Variants in NLRP8 observed in about 807,000 individuals in gnomAD.
NLRP8 encodes NACHT, LRR and PYD domains-containing protein 8.
Under a neutral mutation model 88.7 loss-of-function variants are expected in NLRP8, and 86 were observed. That is an observed-to-expected ratio of 0.97 (90% CI 0.81 to 1.16). The LOEUF is 1.16. Ranked by LOEUF, NLRP8 falls within the 50% of genes most tolerant of loss-of-function variation. NLRP8 has a pLI of 0.00. For missense variants in NLRP8, 1,342 were observed against 1,286.5 expected (o/e 1.04, Z -0.66); for synonymous variants, 504 against 494.6 (o/e 1.02, Z -0.25).
At chr19:55,974,060 C>T (rs1415285708) in intron 7 of NLRP8, among the ~76,000 whole-genome samples, 1 of 151,998 alleles carries the variant, frequency 6.6e-6, no homozygotes, top group Non-Finnish European at 1.5e-5. Flanking sequence ...GGAGTGAACT[C>T]AGAAGGACTG....
At chr19:55,948,337 A>G (rs1436077) in intron 1 of NLRP8, 68 bp downstream of exon 1, 310,453 of 1,509,904 alleles carry the variant, frequency 0.21, 32,280 homozygotes, top group African/African-American at 0.24. Flanking sequence ...TACTCTAGTC[A>G]CCACCCCTAT....
intron 8 of NLRP8, among the ~76,000 whole-genome samples, chr19:55,978,076 T>A (rs1053594180): frequency 1.3e-5 from 2 of 152,182 alleles, no homozygotes; most frequent in African/African-American, 4.8e-5. Context: ...TATTATTATT[T>A]TTTTCAGATC....
At chr19:55,953,229 T>G (rs1704639945) in intron 2 of NLRP8, among the ~76,000 whole-genome samples, 1 of 152,112 alleles carries the variant, frequency 6.6e-6, no homozygotes, top group Admixed American at 6.6e-5. Flanking sequence ...TAATGCCTGA[T>G]CCGTCACCGT....
At chr19:55,950,548 C>T (rs1438198700) in intron 1 of NLRP8, among the ~76,000 whole-genome samples, 1 of 152,176 alleles carries the variant, frequency 6.6e-6, no homozygotes, top group Non-Finnish European at 1.5e-5. Flanking sequence ...TCAATACTTA[C>T]AGCGCTTTCA....
chr19:55,987,806 C>T lies in NLRP8; in HGVS notation c.3048-8C>T, dbSNP rs770905775. ...CTCAACCAGCAGCCTTCCTTTACCTCCCTCCAGCTGTATTCCTGCCTGGAC... is the reference window on the plus strand; with the variant it reads ...CTCAACCAGCAGCCTTCCTTTACCTTCCTCCAGCTGTATTCCTGCCTGGAC... On this transcript the variant is annotated splice_polypyrimidine_tract_variant and splice_region_variant and intron_variant, in intron 9 of 9. Transcript: ENST00000291971. The T allele has an allele frequency of 8.7e-6, 14 of 1,607,034 alleles. No homozygotes were observed. Among genetic ancestry groups the T allele is most frequent in the Admixed American group, 3.3e-5 (2 of 59,966 alleles).
chr19:55,949,271 T>C (rs1978987567), intron 1 of NLRP8, among the ~76,000 whole-genome samples: 1 of 152,206 alleles, frequency 6.6e-6, no homozygotes, highest in South Asian at 2.1e-4. Flanking sequence ...GAGTCTTCAT[T>C]CTGTCACACA....
rs375274608 is a variant in NLRP8 at position 55,955,679 on chromosome 19, C to G, written c.1621C>G (p.Leu541Val). ...GTTGAGCCACGTGAATATCCAGCGC[C>G]TGATAGCGAGTCCCAGAGGAAGCAA... Residue 541 changes from leucine (L) to valine (V), a missense_variant, in exon 3 of 10, where the codon CTG becomes GTG. Coordinates refer to ENST00000291971, the MANE Select transcript of NLRP8 (RefSeq NM_176811.2). 7 of 1,614,038 alleles carry G rather than the reference C, an allele frequency of 4.3e-6. No homozygotes were observed. The African/African-American group carries it at 9.3e-5, about 22-fold the overall frequency.
At chr19:55,984,140 C>A (rs900331536) in intron 9 of NLRP8, among the ~76,000 whole-genome samples, 1 of 152,046 alleles carries the variant, frequency 6.6e-6, no homozygotes, top group East Asian at 1.9e-4. Context: ...ATAAAACTGT[C>A]ATTTTTCACA....
In NLRP8 at chr19:55,955,965, T is replaced by C. The variant is rs773775158; in HGVS notation, c.1907T>C (p.Ile636Thr). 9 of 1,614,022 alleles carry C rather than the reference T, an allele frequency of 5.6e-6. No individual in the cohort carries two copies. The African/African-American group carries it at 1.1e-4, about 19-fold the overall frequency. Residue 636 changes from isoleucine (I) to threonine (T), a missense_variant, in exon 3 of 10, where the codon ATT (isoleucine) becomes ACT (threonine). Coordinates refer to ENST00000291971, the MANE Select transcript of NLRP8 (RefSeq NM_176811.2). ...GATTATCATAAAGTTGTCTTGAGAATTGGCAACAACAAAGAAGTTCAAGTG... is the reference window on the plus strand; with the variant it reads ...GATTATCATAAAGTTGTCTTGAGAACTGGCAACAACAAAGAAGTTCAAGTG...
chr19:55,988,038 A>G lies in NLRP8; in HGVS notation c.*125A>G. 1.4e-6 allele frequency: 1 copy of G among 691,728 alleles called. No homozygotes were observed. The highest frequency in any genetic ancestry group is 2.6e-6 in the Non-Finnish European group (1 of 389,634). 42.8% of individuals were successfully genotyped at this position (691,728 alleles called of 1,614,324 possible). On this transcript the variant is annotated 3_prime_UTR_variant, in exon 10 of 10. Transcript: ENST00000291971. ...CCCCTGAAACAGAGCAACCCAGTCAACACCACAGAACCTCAGCTTTGAACC... is the reference window on the plus strand; with the variant it reads ...CCCCTGAAACAGAGCAACCCAGTCAGCACCACAGAACCTCAGCTTTGAACC...
At chr19:55,971,555 CA>C (rs1230177329) in intron 6 of NLRP8, among the ~76,000 whole-genome samples, 2 of 151,428 alleles carry the variant, frequency 1.3e-5, no homozygotes, top group Non-Finnish European at 2.9e-5. Context: ...AATTCCTCTT[CA>C]CTACAGAATG....
intron 6 of NLRP8, among the ~76,000 whole-genome samples, chr19:55,972,474 T>C (rs1980118849): frequency 6.6e-6 from 1 of 151,936 alleles, no homozygotes. Flanking sequence ...AGGTGGTGTC[T>C]GGTTACATAA....
rs766183456 is a variant in NLRP8 at position 55,955,238 on chromosome 19, C to T, written c.1180C>T (p.Arg394Trp). The change falls in exon 3 of 10, where the codon CGG becomes TGG. Residue 394 changes from arginine to tryptophan, a missense_variant. Physicochemically the swap from Arg to Trp is moderately radical, Grantham distance 101 (BLOSUM62 -3). Transcript: ENST00000291971. Reference sequence around the variant, plus strand: ...AAACACCATTCTCTTCTCCATGTGCCGGGTCCCTGTGGTTTGCTGGATGGT... The same window carrying T: ...AAACACCATTCTCTTCTCCATGTGCTGGGTCCCTGTGGTTTGCTGGATGGT... The T allele has an allele frequency of 1.4e-5, 22 of 1,614,020 alleles. No individual in the cohort carries two copies. The highest frequency in any genetic ancestry group is 1.9e-5 in the Non-Finnish European group (22 of 1,180,042).
At chr19:55,961,123 T>C (rs997611951) in intron 3 of NLRP8, among the ~76,000 whole-genome samples, 7 of 152,132 alleles carry the variant, frequency 4.6e-5, no homozygotes, top group African/African-American at 7.2e-5. Context: ...CAGGCTGGTC[T>C]CGAACTCCTG....
chr19:55,977,056 G>A (rs1600315084), intron 8 of NLRP8, among the ~76,000 whole-genome samples: 1 of 147,032 alleles, frequency 6.8e-6, no homozygotes, highest in African/African-American at 2.5e-5. Flanking sequence ...CTCCAGCCTG[G>A]GCCACAGAGT....
chr19:55,955,538 C>T lies in NLRP8; in HGVS notation c.1480C>T (p.Arg494Trp), dbSNP rs771207728. The stretch of plus-strand genomic sequence containing the variant: ...CGCCTTCCTTGGCATGAGTATTCTT[C>T]GGAGAATTGCAGGTGAGGAAGACCA... The change falls in exon 3 of 10, where the codon CGG becomes TGG. Residue 494 changes from arginine (R) to tryptophan (W), a missense_variant. Transcript: ENST00000291971. The T allele has an allele frequency of 2.2e-5, 35 of 1,614,030 alleles. No homozygotes were observed. The highest frequency in any genetic ancestry group is 2.2e-4 in the Admixed American group (13 of 60,000).
chr19:55,974,886 G>A (rs765420452), intron 7 of NLRP8, among the ~76,000 whole-genome samples: 8 of 151,990 alleles, frequency 5.3e-5, no homozygotes, highest in Non-Finnish European at 1.2e-4. Context: ...GTTCTTTCTG[G>A]CTGCTTGTAA....
intron 3 of NLRP8, among the ~76,000 whole-genome samples, chr19:55,959,504 G>A (rs550471789): frequency 2.0e-4 from 26 of 127,872 alleles, no homozygotes; most frequent in Admixed American, 8.0e-4. Context: ...GAGCCACCGC[G>A]CCCGGCCAGG....
At position 55,962,699 on chromosome 19, in the gene NLRP8, G is replaced by A. The variant is rs578095953; in HGVS notation, c.2213+462G>A. Among the ~76,000 whole-genome samples the A allele has an allele frequency of 6.6e-5, 10 of 152,260 alleles. No individual in the cohort carries two copies. The South Asian group carries it at 1.7e-3, about 25-fold the overall frequency. ...GGAGGCTGAGGTGGGAGGATCACCC[G>A]AGCCCAGGAGGCAGAGGTTGCAGTG... is the stretch of plus-strand genomic sequence containing the variant. On this transcript the variant is annotated intron_variant, in intron 4 of 9. Transcript: ENST00000291971.
Sources: gnomAD v4.1 joint callset for allele counts (sites outside exome capture counted in the v4.1 genomes callset) on GRCh38, gnomAD v4.1.1 for gene constraint, MANE v1.5 for transcripts, NCBI Gene and HGNC (gene_info 2026-07-23, HGNC 2026-07-21) for gene names.